MYH11: variants seen among roughly 807,000 people sequenced by gnomAD.
MYH11 encodes myosin-11.
In MYH11, 80 loss-of-function variants were observed where a neutral mutation model predicts 246.6. The ratio of observed to expected loss-of-function variants is 0.32; its 90% CI spans 0.27 to 0.39. MYH11 has a LOEUF of 0.39. Among genes scored for constraint, MYH11 ranks in the 10% least tolerant of loss-of-function variants. The pLI is 1.00. For synonymous variants in MYH11, 1,071 were observed against 1,015.5 expected, an observed-to-expected ratio of 1.05 and a Z score of -1.04; for missense variants, 2,158 against 2,546.8, an observed-to-expected ratio of 0.85 and a Z score of 3.29.
intron 26 of MYH11, 135 bp downstream of exon 26, chr16:15,735,231 G>T: frequency 5.4e-6 from 5 of 922,088 alleles, no homozygotes; most frequent in Non-Finnish European, 7.0e-6. Context: ...GCTTCTATAA[G>T]TTAAAGCAAA....
intron 32 of MYH11, 166 bp downstream of exon 32, chr16:15,721,256 C>T (rs910255388): frequency 1.0e-6 from 1 of 961,200 alleles, no homozygotes; most frequent in Non-Finnish European, 1.6e-6. Context: ...CCTCGACTGC[C>T]ATTCTCAGCC....
At chr16:15,814,183 C>T (rs1464946621) in intron 3 of MYH11, among the ~76,000 whole-genome samples, 1 of 151,592 alleles carries the variant, frequency 6.6e-6, no homozygotes, top group African/African-American at 2.4e-5. Flanking sequence ...ATACATGAGG[C>T]AGTTTAAAAA....
chr16:15,742,631 T>C (rs923443932), intron 20 of MYH11, among the ~76,000 whole-genome samples: 1 of 151,894 alleles, frequency 6.6e-6, no homozygotes, highest in African/African-American at 2.4e-5. Context: ...GTGAGGGGTC[T>C]GAGGCAGGAA....
intron 11 of MYH11, 46 bp downstream of exon 11, chr16:15,760,494 T>C: frequency 7.4e-7 from 1 of 1,359,572 alleles, no homozygotes; most frequent in South Asian, 1.2e-5. Context: ...GATGAATGGA[T>C]GGATGGGTGG....
chr16:15,828,488 C>T (rs2043630324), intron 2 of MYH11, among the ~76,000 whole-genome samples: 1 of 152,134 alleles, frequency 6.6e-6, no homozygotes, highest in Non-Finnish European at 1.5e-5. Flanking sequence ...TACTGTATCT[C>T]CTGCACCCCG....
At position 15,810,734 on chromosome 16, in the gene MYH11, G is replaced by A. The variant is rs142418517; in HGVS notation, c.503-12047C>T. On this transcript the variant is annotated intron_variant, in intron 3 of 40. Transcript: ENST00000300036. ...GGCCCGTTTCCTCACCAGGGAAATC[G>A]ACAAAAATCCAGACCTTTCAAGGGC... Among the ~76,000 whole-genome samples the A allele has an allele frequency of 3.5e-3, 533 of 152,264 alleles. 7 individuals are homozygous for A. Among genetic ancestry groups the A allele is most frequent in the Admixed American group, 0.024 (374 of 15,286 alleles).
At position 15,718,394 on chromosome 16, in the gene MYH11, G is replaced by A. The variant is rs1201529499; in HGVS notation, c.5216C>T (p.Ala1739Val). The A allele has an allele frequency of 1.3e-6, 2 of 1,599,560 alleles. No individual in the cohort carries two copies. Among genetic ancestry groups the A allele is most frequent in the South Asian group, 2.2e-5 (2 of 90,004 alleles). Residue 1739 changes from alanine to valine, a missense_variant, in exon 37 of 41, where the codon GCC (alanine) becomes GTC (valine). This residue lies in a region of MYH11 where 1,013 missense variants were observed against 993.5 expected (regional missense o/e 1.02). Coordinates refer to ENST00000300036, the MANE Select transcript of MYH11 (RefSeq NM_002474.3). ...CTCCTCCAGCTCCTCCTCCAGCTGG[G>A]CGATCCGGGCCTCCAGGCGGCGCTT... ...DEKRRLEARI[A>V]QLEEELEEEQ...
Position 15,714,891 on chromosome 16 carries a change from G to GGGCC in MYH11, c.5786+14_5786+17dup. On this transcript the variant is annotated intron_variant, in intron 40 of 40. Transcript: ENST00000300036. ...CTGGCCTGAGAGACGGGGTCCTCCC[G>GGGCC]GGCCACGGGCTCCTCACCTGAGCTT... is the stretch of plus-strand genomic sequence containing the variant. 6.2e-7 allele frequency: 1 copy of GGGCC among 1,612,722 alleles called. No individual in the cohort carries two copies. The highest frequency in any genetic ancestry group is 8.5e-7 in the Non-Finnish European group (1 of 1,179,950).
intron 40 of MYH11, among the ~76,000 whole-genome samples, chr16:15,709,139 A>G (rs978493785): frequency 5.3e-5 from 8 of 150,368 alleles, no homozygotes; most frequent in Admixed American, 1.3e-4. Flanking sequence ...ATGGGGTTGC[A>G]CTATGTTGGT....
At chr16:15,735,165 C>A (rs1416654394) in intron 26 of MYH11, among the ~76,000 whole-genome samples, 2 of 143,190 alleles carry the variant, frequency 1.4e-5, no homozygotes, top group Non-Finnish European at 3.0e-5. Flanking sequence ...GGCAACAAAG[C>A]CAGACTGCCT....
At chr16:15,831,727 T>A (rs1238502197) in intron 2 of MYH11, among the ~76,000 whole-genome samples, 1 of 151,930 alleles carries the variant, frequency 6.6e-6, no homozygotes, top group Non-Finnish European at 1.5e-5. Flanking sequence ...TCATCTGAGT[T>A]CAGGAGTTCA....
At chr16:15,845,330 C>G (rs1201627901) in intron 1 of MYH11, among the ~76,000 whole-genome samples, 1 of 139,736 alleles carries the variant, frequency 7.2e-6, no homozygotes, top group East Asian at 2.1e-4. Flanking sequence ...CATCAGCTAT[C>G]ATTAGTGCTA....
Position 15,823,277 on chromosome 16 carries a change from C to G in MYH11, c.480G>C (p.Thr160=), listed in dbSNP as rs544644151. The stretch of plus-strand genomic sequence containing the variant: ...CACCTTGAAGCATGCTCCGGTAGGC[C>G]GTGTCTGCGATGGCGTAGATGTGAG... ...MPPHIYAIAD[T]AYRSMLQDRE... The change falls in exon 3 of 41, where the codon ACG becomes ACC. Residue 160 remains threonine (T), a synonymous_variant. Coordinates refer to ENST00000300036, the MANE Select transcript of MYH11 (RefSeq NM_002474.3). 6.2e-7 allele frequency: 1 copy of G among 1,614,058 alleles called. No individual in the cohort carries two copies. The highest frequency in any genetic ancestry group is 1.7e-5 in the Admixed American group (1 of 59,994).
At chr16:15,744,530 A>G (rs189212787) in intron 20 of MYH11, among the ~76,000 whole-genome samples, 4 of 148,118 alleles carry the variant, frequency 2.7e-5, no homozygotes, top group African/African-American at 1.0e-4. Flanking sequence ...GAAGAGACAG[A>G]GTCTCAATCT....
chr16:15,788,195 C>T (rs2042523150), intron 4 of MYH11, among the ~76,000 whole-genome samples: 1 of 150,500 alleles, frequency 6.6e-6, no homozygotes, highest in African/African-American at 2.5e-5. Flanking sequence ...TCCACCACTC[C>T]TAGTGAAAGA....
chr16:15,778,869 G>T, intron 6 of MYH11, 26 bp from the exon 7 acceptor site: 1 of 1,612,926 alleles, frequency 6.2e-7, no homozygotes, highest in Non-Finnish European at 8.5e-7. Context: ...CACAGTTCAG[G>T]CTTTGCTGCC....
In MYH11 at chr16:15,708,828, G is replaced by GT. The variant is rs2039612615; in HGVS notation, c.5787-4706dup. 2 of 1,610,084 alleles carry GT rather than the reference G, an allele frequency of 1.2e-6. No homozygotes were observed. The highest frequency in any genetic ancestry group is 1.1e-5 in the South Asian group (1 of 89,744). Reference sequence around the variant, plus strand: ...CTGGTGCATCACTGCGAAGTTTCCTGTGGGGGGGGCCCTCTGAAACAGAGA... The same window carrying GT: ...CTGGTGCATCACTGCGAAGTTTCCTGTTGGGGGGGGCCCTCTGAAACAGAGA... On this transcript the variant is annotated intron_variant, in intron 40 of 40. Transcript: ENST00000300036.
intron 2 of MYH11, among the ~76,000 whole-genome samples, chr16:15,830,316 T>C (rs1220617529): frequency 6.6e-6 from 1 of 152,122 alleles, no homozygotes; most frequent in Non-Finnish European, 1.5e-5. Flanking sequence ...ACAGACGTGG[T>C]CCACCAAGCA....
chr16:15,809,739 A>T (rs1465235998), intron 3 of MYH11, among the ~76,000 whole-genome samples: 3 of 151,894 alleles, frequency 2.0e-5, no homozygotes, highest in Admixed American at 6.5e-5. Context: ...CCTGAACAAC[A>T]TAGCAAAACC....
Sources: allele counts gnomAD v4.1 joint callset (sites outside exome capture counted in the v4.1 genomes callset), GRCh38; gene constraint gnomAD v4.1.1; regional missense constraint gnomAD v4.1.1; transcripts MANE v1.5; gene names NCBI Gene and HGNC (gene_info 2026-07-23, HGNC 2026-07-21).